The following STXBP4 variants were observed in gnomAD, a reference collection of about 807,000 sequenced individuals.
The protein encoded by STXBP4 is syntaxin-binding protein 4.
A neutral mutation model predicts 76.1 loss-of-function variants in STXBP4; 55 were observed. That is an observed-to-expected ratio of 0.72 (90% CI 0.58 to 0.91). The LOEUF is 0.91. Among genes scored for constraint, STXBP4 ranks in the 40% least tolerant of loss-of-function variants. STXBP4 has a pLI of 0.00. For missense variants in STXBP4, 618 were observed against 636.9 expected (o/e 0.97, Z 0.32); for synonymous variants, 201 against 220.2 (o/e 0.91, Z 0.77).
At chr17:55,018,476 G>A (rs2078248448) in intron 8 of STXBP4, among the ~76,000 whole-genome samples, 1 of 152,172 alleles carries the variant, frequency 6.6e-6, no homozygotes, top group African/African-American at 2.4e-5. Context: ...CATAGAAAGG[G>A]AGGGGACCCA....
At chr17:55,032,788 A>G (rs1441025482) in intron 9 of STXBP4, among the ~76,000 whole-genome samples, 1 of 152,160 alleles carries the variant, frequency 6.6e-6, no homozygotes, top group South Asian at 2.1e-4. Flanking sequence ...CTTTGCTGCC[A>G]TGTTTATTAC....
chr17:54,999,614 A>G lies in STXBP4; in HGVS notation c.288-18A>G, dbSNP rs2077874195. 6.2e-7 allele frequency: 1 copy of G among 1,603,562 alleles called. No homozygotes were observed. Among genetic ancestry groups the G allele is most frequent in the African/African-American group, 1.3e-5 (1 of 74,440 alleles). On this transcript the variant is annotated intron_variant, in intron 5 of 17. Coordinates refer to ENST00000376352, the MANE Select transcript of STXBP4 (RefSeq NM_178509.6). ...ATATTCATAGCATATCCATAAAGTG[A>G]TTTCTTTTTAGTACTAGGTTAGAAT...
intron 8 of STXBP4, among the ~76,000 whole-genome samples, chr17:55,011,586 A>G (rs1394805390): frequency 7.1e-6 from 1 of 140,748 alleles, no homozygotes; most frequent in Non-Finnish European, 1.5e-5. Flanking sequence ...GAGGGTAGCC[A>G]TTGGTGGCTC....
chr17:55,015,026 G>C (rs1308844896), intron 8 of STXBP4, among the ~76,000 whole-genome samples: 2 of 152,096 alleles, frequency 1.3e-5, no homozygotes, highest in Non-Finnish European at 2.9e-5. Flanking sequence ...CTGGGCGTAA[G>C]GCAGACTTTG....
At chr17:55,056,895 C>G (rs1311210945) in intron 12 of STXBP4, among the ~76,000 whole-genome samples, 1 of 152,132 alleles carries the variant, frequency 6.6e-6, no homozygotes, top group African/African-American at 2.4e-5. Flanking sequence ...AAAAGCAACT[C>G]TAAATTTAGC....
intron 16 of STXBP4, among the ~76,000 whole-genome samples, chr17:55,093,766 A>AAAG (rs1485607489): frequency 6.6e-6 from 1 of 152,214 alleles, no homozygotes; most frequent in Admixed American, 6.5e-5. Flanking sequence ...ATCGCTTAAG[A>AAAG]AAAGGTAATG....
At chr17:55,004,019 A>G (rs1030682716) in intron 7 of STXBP4, among the ~76,000 whole-genome samples, 1 of 149,580 alleles carries the variant, frequency 6.7e-6, no homozygotes, top group Admixed American at 6.7e-5. Flanking sequence ...TAAAAATAGA[A>G]AAAAAAAAAA....
intron 1 of STXBP4, among the ~76,000 whole-genome samples, chr17:54,984,013 G>A (rs1296171334): frequency 2.0e-5 from 3 of 152,068 alleles, no homozygotes; most frequent in Admixed American, 2.0e-4. Context: ...GTGGCTTGGT[G>A]GCTTCATTTT....
intron 16 of STXBP4, among the ~76,000 whole-genome samples, chr17:55,122,466 T>G (rs192495302): frequency 2.3e-4 from 35 of 152,146 alleles, no homozygotes; most frequent in African/African-American, 8.2e-4. Context: ...TAGGAAGAGA[T>G]AAATGAAGGA....
intron 8 of STXBP4, among the ~76,000 whole-genome samples, chr17:55,029,488 C>A (rs1272054311): frequency 6.6e-6 from 1 of 151,168 alleles, no homozygotes; most frequent in East Asian, 1.9e-4. Flanking sequence ...TATAGGTGTT[C>A]TTTGTATTAT....
At chr17:55,083,213 C>A (rs2079279229) in intron 16 of STXBP4, among the ~76,000 whole-genome samples, 1 of 151,998 alleles carries the variant, frequency 6.6e-6, no homozygotes, top group African/African-American at 2.4e-5. Flanking sequence ...TGGACTGAAG[C>A]AATCCACCCA....
chr17:55,003,511 G>A (rs762078011), intron 7 of STXBP4, among the ~76,000 whole-genome samples: 5 of 152,070 alleles, frequency 3.3e-5, no homozygotes, highest in Non-Finnish European at 7.4e-5. Context: ...TATACATTGT[G>A]ATTTGCATAT....
chr17:55,102,468 A>C (rs531277946), intron 16 of STXBP4, among the ~76,000 whole-genome samples: 1 of 151,946 alleles, frequency 6.6e-6, no homozygotes, highest in Non-Finnish European at 1.5e-5. Context: ...ATCTTTTTTT[A>C]TGGCTGCATA....
At chr17:55,039,146 G>T (rs1048866637) in intron 10 of STXBP4, among the ~76,000 whole-genome samples, 1 of 152,146 alleles carries the variant, frequency 6.6e-6, no homozygotes, top group Non-Finnish European at 1.5e-5. Context: ...AATAATTATA[G>T]TAAGAAAAGC....
intron 8 of STXBP4, among the ~76,000 whole-genome samples, chr17:55,030,525 C>T (rs1201367621): frequency 6.6e-6 from 1 of 151,954 alleles, no homozygotes; most frequent in African/African-American, 2.4e-5. Flanking sequence ...TGTTTTCAGC[C>T]GAAAATTGTG....
Position 55,168,248 on chromosome 17 carries a change from AC to A in STXBP4, c.*8338del, listed in dbSNP as rs2080387870. ...ATATATCTGTGTGTATATACACACC[AC>A]ACACACACACACACACACGTATTGG... On this transcript the variant is annotated 3_prime_UTR_variant, in exon 18 of 18. Coordinates refer to ENST00000376352, the MANE Select transcript of STXBP4 (RefSeq NM_178509.6). The A allele has an allele frequency of 1.5e-4, 1 of 6,670 alleles. No individual in the cohort carries two copies. The highest frequency in any genetic ancestry group is 4.0e-4 in the Non-Finnish European group (1 of 2,498). The allele number at this position is 6,670 out of a possible 1,614,324, so 0.4% of individuals were successfully genotyped here. A position where few individuals can be genotyped will look rare whatever the true frequency, so the allele number is the denominator to read the frequency against.
chr17:55,137,102 A>T (rs916496414), intron 16 of STXBP4, among the ~76,000 whole-genome samples: 4 of 152,180 alleles, frequency 2.6e-5, no homozygotes, highest in African/African-American at 9.7e-5. Flanking sequence ...AGATTCCACA[A>T]GATTATTACT....
Position 55,168,503 on chromosome 17 carries a change from T to C in STXBP4, c.*8592T>C, listed in dbSNP as rs552911577. The stretch of plus-strand genomic sequence containing the variant: ...AGTTATAAGACCCATCATTATTTTG[T>C]GTGTAACTGAAAATGAAAAAAAGAT... On this transcript the variant is annotated 3_prime_UTR_variant, in exon 18 of 18. Transcript: ENST00000376352. 12 of 152,282 alleles carry C rather than the reference T, an allele frequency of 7.9e-5. No homozygotes were observed. Among genetic ancestry groups the C allele is most frequent in the African/African-American group, 2.4e-4 (10 of 41,574 alleles). The allele number at this position is 152,282 out of a possible 1,614,324, so 9.4% of individuals were successfully genotyped here. A position where few individuals can be genotyped will look rare whatever the true frequency, so the allele number is the denominator to read the frequency against.
chr17:55,004,705 A>C (rs1487192497), intron 7 of STXBP4, among the ~76,000 whole-genome samples: 1 of 151,716 alleles, frequency 6.6e-6, no homozygotes, highest in African/African-American at 2.4e-5. Context: ...AGACGCCTCT[A>C]AAGAAAGGAG....
Sources: gnomAD v4.1 joint callset for allele counts (sites outside exome capture counted in the v4.1 genomes callset) on GRCh38, gnomAD v4.1.1 for gene constraint, MANE v1.5 for transcripts, NCBI Gene and HGNC (gene_info 2026-07-23, HGNC 2026-07-21) for gene names.